GALNT13: variants seen among roughly 807,000 people sequenced by gnomAD.
GALNT13 encodes the protein polypeptide N-acetylgalactosaminyltransferase 13.
In GALNT13, 28 loss-of-function variants were observed where a neutral mutation model predicts 64.2. That is an observed-to-expected ratio of 0.44 (90% CI 0.32 to 0.60). The LOEUF (loss-of-function observed/expected upper bound fraction) is 0.60. GALNT13 is among the 20% of genes least tolerant of loss of function. The pLI is 0.05. For missense variants in GALNT13, 577 were observed against 669.8 expected (o/e 0.86, Z 1.53); for synonymous variants, 214 against 224.6 (o/e 0.95, Z 0.42).
chr2:154,125,344 G>C (rs917297318), intron 3 of GALNT13, among the ~76,000 whole-genome samples: 5 of 151,990 alleles, frequency 3.3e-5, no homozygotes, highest in Non-Finnish European at 7.4e-5. Context: ...AAGAAATAAA[G>C]GTAAAGGTTT....
the GALNT13 span, among the ~76,000 whole-genome samples, chr2:153,413,052 T>C: frequency 6.6e-6 from 1 of 152,038 alleles, no homozygotes; most frequent in Non-Finnish European, 1.5e-5. Context: ...CTATAGACAG[T>C]TAAGGATGAG....
chr2:153,077,902 A>T, the GALNT13 span, among the ~76,000 whole-genome samples: 15 of 152,344 alleles, frequency 9.8e-5, no homozygotes, highest in African/African-American at 3.6e-4. Flanking sequence ...AACAAATCAA[A>T]TTAGAATAAA....
At chr2:153,137,764 G>A in the GALNT13 span, among the ~76,000 whole-genome samples, 427 of 150,840 alleles carry the variant, frequency 2.8e-3, 2 homozygotes, top group African/African-American at 1.0e-2. Context: ...TAACCTACTT[G>A]TCTTTTTCTA....
intron 4 of GALNT13, among the ~76,000 whole-genome samples, chr2:154,220,821 G>A (rs1324101201): frequency 6.6e-6 from 1 of 151,996 alleles, no homozygotes; most frequent in Non-Finnish European, 1.5e-5. Context: ...TTTAATTAAT[G>A]AAAGATTGCA....
the GALNT13 span, among the ~76,000 whole-genome samples, chr2:153,864,157 C>T: frequency 3.9e-5 from 6 of 152,126 alleles, no homozygotes; most frequent in Non-Finnish European, 7.3e-5. Context: ...TGCTAAATAG[C>T]GTACATAGTC....
chr2:153,631,630 T>C, the GALNT13 span, among the ~76,000 whole-genome samples: 1,625 of 152,332 alleles, frequency 0.011, 32 homozygotes, highest in African/African-American at 0.037. Flanking sequence ...TGTCTGTTCA[T>C]ATCCTTCACC....
the GALNT13 span, chr2:153,478,382 T>A: frequency 6.2e-7 from 1 of 1,613,072 alleles, no homozygotes; most frequent in Non-Finnish European, 8.5e-7. Flanking sequence ...AGCACGCACA[T>A]GACCGCGATC....
chr2:154,102,706 A>C (rs1473321631), intron 3 of GALNT13, among the ~76,000 whole-genome samples: 1 of 152,024 alleles, frequency 6.6e-6, no homozygotes, highest in Non-Finnish European at 1.5e-5. Flanking sequence ...TGATTTAACA[A>C]AAAAAAATCC....
chr2:153,739,962 T>A, the GALNT13 span, among the ~76,000 whole-genome samples: 2 of 151,864 alleles, frequency 1.3e-5, no homozygotes, highest in Non-Finnish European at 2.9e-5. Context: ...GTACTTGGAG[T>A]TTTATTTGTG....
chr2:153,534,646 G>A, the GALNT13 span, among the ~76,000 whole-genome samples: 2 of 151,704 alleles, frequency 1.3e-5, no homozygotes, highest in African/African-American at 4.9e-5. Flanking sequence ...ATTTGGGTAG[G>A]TAAAGGAAAA....
chr2:153,239,418 C>T, the GALNT13 span, among the ~76,000 whole-genome samples: 1 of 152,030 alleles, frequency 6.6e-6, no homozygotes, highest in Non-Finnish European at 1.5e-5. Flanking sequence ...TATTCCAGAT[C>T]TTAGAGAAAA....
chr2:154,152,354 GC>G (rs931956487), intron 4 of GALNT13, among the ~76,000 whole-genome samples: 35 of 152,010 alleles, frequency 2.3e-4, no homozygotes, highest in Admixed American at 2.2e-3. Flanking sequence ...CTCTCTGGCT[GC>G]CCTTAACATT....
chr2:153,968,843 A>T (rs1188324808), intron 3 of GALNT13, among the ~76,000 whole-genome samples: 1 of 152,182 alleles, frequency 6.6e-6, no homozygotes, highest in Non-Finnish European at 1.5e-5. Flanking sequence ...AAGGCTATTG[A>T]TCTTCTTATC....
intron 4 of GALNT13, among the ~76,000 whole-genome samples, chr2:154,213,521 G>C (rs544912368): frequency 6.6e-6 from 1 of 151,886 alleles, no homozygotes; most frequent in African/African-American, 2.4e-5. Flanking sequence ...TAATATAACA[G>C]ATATCTGGAA....
At chr2:154,354,132 G>T (rs1375541985) in intron 9 of GALNT13, among the ~76,000 whole-genome samples, 1 of 152,006 alleles carries the variant, frequency 6.6e-6, no homozygotes, top group African/African-American at 2.4e-5. Context: ...TTTTATAGTG[G>T]TTTTCATTTG....
chr2:153,442,813 G>A, the GALNT13 span, among the ~76,000 whole-genome samples: 1 of 152,178 alleles, frequency 6.6e-6, no homozygotes, highest in South Asian at 2.1e-4. Context: ...GCTCCTCCCA[G>A]TTTGAACTTC....
At chr2:154,286,485 G>A (rs1437035069) in intron 8 of GALNT13, 2 of 153,432 alleles carry the variant, frequency 1.3e-5, no homozygotes, top group African/African-American at 2.4e-5. Flanking sequence ...GTACTAAAAG[G>A]AGTTATTCAA....
chr2:153,881,046 A>G (rs1406776689), intron 1 of GALNT13, among the ~76,000 whole-genome samples: 5 of 152,212 alleles, frequency 3.3e-5, no homozygotes, highest in African/African-American at 9.6e-5. Context: ...AAGAGACACT[A>G]TAGCTCTTGC....
chr2:153,525,965 G>A, the GALNT13 span, among the ~76,000 whole-genome samples: 617 of 152,350 alleles, frequency 4.0e-3, 6 homozygotes, highest in African/African-American at 0.014. Flanking sequence ...AGGCTCCTCT[G>A]CCTTTAGAAA....
Sources: gnomAD v4.1 joint callset for allele counts (sites outside exome capture counted in the v4.1 genomes callset) on GRCh38, gnomAD v4.1.1 for gene constraint, MANE v1.5 for transcripts, NCBI Gene and HGNC (gene_info 2026-07-23, HGNC 2026-07-21) for gene names.